The following LRMDA variants were observed in gnomAD, a reference collection of about 807,000 sequenced individuals.
LRMDA encodes leucine-rich melanocyte differentiation-associated protein.
A neutral mutation model predicts 29.8 loss-of-function variants in LRMDA; 18 were observed. The ratio of observed to expected loss-of-function variants is 0.60; its 90% CI spans 0.42 to 0.90. LRMDA has a LOEUF of 0.90. Ranked by LOEUF, LRMDA falls within the 40% of genes least tolerant of loss-of-function variation. The pLI is 0.00. For synonymous variants in LRMDA, 125 were observed against 109.4 expected, an observed-to-expected ratio of 1.14 and a Z score of -0.89; for missense variants, 273 against 273.9, an observed-to-expected ratio of 1.00 and a Z score of 0.02.
chr10:75,789,962 C>A (rs547448686), intron 2 of LRMDA, among the ~76,000 whole-genome samples: 1 of 152,110 alleles, frequency 6.6e-6, no homozygotes, highest in South Asian at 2.1e-4. Context: ...TGGCAGCAGG[C>A]AACCAAATAT....
intron 2 of LRMDA, among the ~76,000 whole-genome samples, chr10:75,531,276 CGAG>C (rs1564793914): frequency 1.3e-5 from 2 of 151,922 alleles, no homozygotes; most frequent in Admixed American, 6.6e-5. Context: ...GTCAGGTGGT[CGAG>C]GAGAACTTGT....
intron 6 of LRMDA, among the ~76,000 whole-genome samples, chr10:76,444,607 G>A (rs1015210311): frequency 6.6e-6 from 1 of 152,160 alleles, no homozygotes; most frequent in African/African-American, 2.4e-5. Context: ...TTCTGATGGT[G>A]TGGTTACACA....
At chr10:75,601,714 C>T (rs988682913) in intron 2 of LRMDA, among the ~76,000 whole-genome samples, 2 of 152,094 alleles carry the variant, frequency 1.3e-5, no homozygotes, top group African/African-American at 4.8e-5. Flanking sequence ...CTATTGAGTA[C>T]TTATCATGTG....
At chr10:75,861,248 A>G (rs1338425102) in intron 2 of LRMDA, among the ~76,000 whole-genome samples, 1 of 152,254 alleles carries the variant, frequency 6.6e-6, no homozygotes, top group Non-Finnish European at 1.5e-5. Context: ...GGGTTATTAC[A>G]GTGAAGCAGG....
chr10:76,041,658 A>G (rs1263414191), intron 3 of LRMDA, among the ~76,000 whole-genome samples: 4 of 152,174 alleles, frequency 2.6e-5, no homozygotes, highest in African/African-American at 9.7e-5. Flanking sequence ...GACACAGGCT[A>G]GGAGGCTTCC....
intron 5 of LRMDA, among the ~76,000 whole-genome samples, chr10:76,285,202 G>A (rs147020051): frequency 6.6e-6 from 1 of 152,086 alleles, no homozygotes; most frequent in Non-Finnish European, 1.5e-5. Flanking sequence ...CCTATTTCCA[G>A]GATATAGTTG....
chr10:76,543,915 G>A (rs1843388400), intron 6 of LRMDA, among the ~76,000 whole-genome samples: 2 of 152,074 alleles, frequency 1.3e-5, no homozygotes, highest in Admixed American at 1.3e-4. Context: ...GCCCCCCCCA[G>A]GAGAGGTCAT....
At chr10:75,683,982 A>C (rs574303822) in intron 2 of LRMDA, among the ~76,000 whole-genome samples, 1 of 152,270 alleles carries the variant, frequency 6.6e-6, no homozygotes, top group South Asian at 2.1e-4. Context: ...TCTGATTCTT[A>C]TCTGGGGTAG....
Position 75,438,480 on chromosome 10 carries a change from C to T in LRMDA, c.117C>T (p.Ser39=), listed in dbSNP as rs1844288056. ...ATTTCGCAAAGAGGCTTGATCTGAG[C>T]TTTAACCTTCTGAGGTATGTAACCT... ...CGHFAKRLDL[S]FNLLRSLEGL... The change falls in exon 2 of 7, where the codon AGC becomes AGT. Residue 39 remains serine, a synonymous_variant. Transcript: ENST00000611255. 6.4e-7 allele frequency: 1 copy of T among 1,550,600 alleles called. No individual in the cohort carries two copies. Among genetic ancestry groups the T allele is most frequent in the Non-Finnish European group, 8.7e-7 (1 of 1,146,952 alleles).
chr10:76,446,130 TTATAC>T (rs1337712128), intron 6 of LRMDA, among the ~76,000 whole-genome samples: 3 of 152,214 alleles, frequency 2.0e-5, no homozygotes, highest in Non-Finnish European at 4.4e-5. Context: ...TATCACAGTG[TTATAC>T]TATACCTTTT....
At chr10:75,563,311 T>G (rs1026002592) in intron 2 of LRMDA, among the ~76,000 whole-genome samples, 1 of 152,156 alleles carries the variant, frequency 6.6e-6, no homozygotes, top group Non-Finnish European at 1.5e-5. Flanking sequence ...CTTTCTTCCA[T>G]TTGATTGCAT....
chr10:76,151,933 G>T (rs1364263352), intron 5 of LRMDA, among the ~76,000 whole-genome samples: 1 of 152,056 alleles, frequency 6.6e-6, no homozygotes, highest in Non-Finnish European at 1.5e-5. Context: ...AGTAGTAATG[G>T]AATTATATCC....
intron 2 of LRMDA, among the ~76,000 whole-genome samples, chr10:75,510,114 ACTTTTGAAAATCTTCATTT>A (rs1482263731): frequency 6.6e-6 from 1 of 152,200 alleles, no homozygotes; most frequent in African/African-American, 2.4e-5. Flanking sequence ...ATTTCCCTTT[ACTTTTGAAAATCTTCATTT>A]CTTTGGACCT....
chr10:76,082,180 T>C (rs566425192), intron 5 of LRMDA, among the ~76,000 whole-genome samples: 79 of 152,328 alleles, frequency 5.2e-4, no homozygotes, highest in African/African-American at 1.7e-3. Flanking sequence ...TAGGGCCAAC[T>C]GTGGGACTTG....
At chr10:75,769,368 C>T (rs763163748) in intron 2 of LRMDA, among the ~76,000 whole-genome samples, 6 of 152,086 alleles carry the variant, frequency 3.9e-5, no homozygotes, top group Admixed American at 6.6e-5. Flanking sequence ...ACTATGTGGC[C>T]GAGAAAATTG....
chr10:75,519,498 G>A (rs897612830), intron 2 of LRMDA, among the ~76,000 whole-genome samples: 2 of 152,138 alleles, frequency 1.3e-5, no homozygotes, highest in Non-Finnish European at 2.9e-5. Context: ...GACTAGGATT[G>A]CACCTCCTGC....
chr10:76,244,482 G>T (rs760552924), intron 5 of LRMDA, among the ~76,000 whole-genome samples: 1 of 152,106 alleles, frequency 6.6e-6, no homozygotes, highest in East Asian at 1.9e-4. Flanking sequence ...GTGTTTTTGC[G>T]GCAGTTGGGT....
intron 6 of LRMDA, among the ~76,000 whole-genome samples, chr10:76,387,843 A>C (rs1841678717): frequency 6.6e-6 from 1 of 152,194 alleles, no homozygotes; most frequent in African/African-American, 2.4e-5. Context: ...ATCTCAATTT[A>C]ATGGACCCAC....
intron 6 of LRMDA, among the ~76,000 whole-genome samples, chr10:76,366,325 T>C (rs1327407736): frequency 6.6e-6 from 1 of 152,210 alleles, no homozygotes; most frequent in Non-Finnish European, 1.5e-5. Context: ...TGTAGATTTC[T>C]TTTGGCAGTA....
Sources: gnomAD v4.1 joint callset for allele counts (sites outside exome capture counted in the v4.1 genomes callset) on GRCh38, gnomAD v4.1.1 for gene constraint, MANE v1.5 for transcripts, NCBI Gene and HGNC (gene_info 2026-07-23, HGNC 2026-07-21) for gene names.